Variants in PRKDC observed in about 807,000 individuals in gnomAD.
PRKDC encodes the protein DNA-dependent protein kinase catalytic subunit.
Under a neutral mutation model 486.9 loss-of-function variants are expected in PRKDC, and 82 were observed. The ratio of observed to expected loss-of-function variants is 0.17; its 90% CI spans 0.14 to 0.20. The LOEUF is 0.20. Ranked by LOEUF, PRKDC falls within the 10% of genes least tolerant of loss-of-function variation. The probability of loss-of-function intolerance (pLI) is 1.00; values close to 1 mark genes in which losing one functional copy is unlikely to be tolerated. For synonymous variants in PRKDC, 1,895 were observed against 1,837.0 expected, an observed-to-expected ratio of 1.03 and a Z score of -0.81; for missense variants, 4,504 against 5,038.2, an observed-to-expected ratio of 0.89 and a Z score of 3.21.
At chr8:47,810,310 G>A (rs960949996) in intron 68 of PRKDC, among the ~76,000 whole-genome samples, 3 of 152,102 alleles carry the variant, frequency 2.0e-5, no homozygotes, top group African/African-American at 7.2e-5. Flanking sequence ...CTCACATAAC[G>A]TTTATTATAG....
At chr8:47,805,064 A>G (rs1409013381) in intron 69 of PRKDC, 4 of 151,132 alleles carry the variant, frequency 2.6e-5, no homozygotes, top group South Asian at 2.1e-4. Flanking sequence ...GCCCGGCCTC[A>G]ACATTTTTTT....
chr8:47,791,726 G>T lies in PRKDC; in HGVS notation c.10671-2488C>A, dbSNP rs118149091. On this transcript the variant is annotated intron_variant, in intron 74 of 85. Transcript: ENST00000314191. ...TAACGAATGCTGGTAAGGATGTAGA[G>T]AGAGGAACCCTTGTATACTATTGGT... is the stretch of plus-strand genomic sequence containing the variant. Among the ~76,000 whole-genome samples, 624 of 152,216 alleles carry T rather than the reference G, an allele frequency of 4.1e-3. 5 individuals are homozygous for T. The highest frequency in any genetic ancestry group is 6.9e-3 in the Admixed American group (105 of 15,284).
chr8:47,950,331 T>C (rs1325429775), intron 7 of PRKDC, among the ~76,000 whole-genome samples: 9 of 146,882 alleles, frequency 6.1e-5, no homozygotes, highest in Admixed American at 2.7e-4. Context: ...CCCCTTAAGA[T>C]TATTTTAGGA....
chr8:47,881,884 A>G (rs1352927180), intron 37 of PRKDC, 28 bp downstream of exon 37: 9 of 1,567,082 alleles, frequency 5.7e-6, no homozygotes, highest in Non-Finnish European at 7.8e-6. Flanking sequence ...AAGAATAAAC[A>G]TGACTGCTTT....
rs1230766744 is a variant in PRKDC, at chr8:47,893,395, A to G, written c.3599-8T>C. On this transcript the variant is annotated splice_polypyrimidine_tract_variant and splice_region_variant and intron_variant, in intron 30 of 85. Coordinates refer to ENST00000314191, the MANE Select transcript of PRKDC (RefSeq NM_006904.7). ...AATTAGGGGATCTGTTGCCTTTAAA[A>G]AGAAACAAAATTAAAATGCACACAT... 3 of 1,491,714 alleles carry G rather than the reference A, an allele frequency of 2.0e-6. No homozygotes were observed. The highest frequency in any genetic ancestry group is 1.4e-5 in the African/African-American group (1 of 71,348). The allele number at this position is 1,491,714 out of a possible 1,614,324, so 92.4% of individuals were successfully genotyped here.
At chr8:47,949,328 C>A (rs1313643196) in intron 7 of PRKDC, among the ~76,000 whole-genome samples, 1 of 152,214 alleles carries the variant, frequency 6.6e-6, no homozygotes, top group Non-Finnish European at 1.5e-5. Context: ...CCTAACCACG[C>A]AAGTCACTGT....
intron 28 of PRKDC, among the ~76,000 whole-genome samples, chr8:47,899,778 G>A (rs954345720): frequency 2.5e-4 from 38 of 152,312 alleles, no homozygotes; most frequent in African/African-American, 7.0e-4. Context: ...TGGGACCAAC[G>A]GGGAGTTAAG....
intron 25 of PRKDC, among the ~76,000 whole-genome samples, 162 bp from the exon 26 acceptor site, chr8:47,905,138 C>T (rs2089754769): frequency 1.3e-5 from 2 of 152,090 alleles, no homozygotes; most frequent in South Asian, 4.2e-4. Flanking sequence ...GGTCCCCTCC[C>T]ACCTCAACCT....
At chr8:47,957,000 A>AAC (rs1563824657) in intron 3 of PRKDC, among the ~76,000 whole-genome samples, 171 bp downstream of exon 3, 10 of 149,914 alleles carry the variant, frequency 6.7e-5, no homozygotes, top group South Asian at 6.3e-4. Context: ...AAAAAAAAAA[A>AAC]ACCTAATGAA....
intron 38 of PRKDC, among the ~76,000 whole-genome samples, chr8:47,880,910 G>C (rs1159641885): frequency 6.6e-6 from 1 of 151,934 alleles, no homozygotes; most frequent in East Asian, 1.9e-4. Context: ...AGCCAGGCCT[G>C]GTGGCGCACA....
rs923183842 is a variant in PRKDC, at chr8:47,943,241, C to A, written c.934G>T (p.Ala312Ser). 2 of 1,613,248 alleles carry A rather than the reference C, an allele frequency of 1.2e-6. No homozygotes were observed. Among genetic ancestry groups the A allele is most frequent in the Non-Finnish European group, 1.7e-6 (2 of 1,179,654 alleles). Residue 312 changes from alanine (A) to serine (S), a missense_variant, in exon 10 of 86, where the codon GCA (alanine) becomes TCA (serine). Ala to Ser is a moderately conservative substitution (Grantham distance 99). Around this residue, in one of 6 missense-constraint regions of PRKDC, gnomAD observed 1,969 missense variants for 2,068.9 expected, o/e 0.95. Coordinates refer to ENST00000314191, the MANE Select transcript of PRKDC (RefSeq NM_006904.7). The stretch of plus-strand genomic sequence containing the variant: ...AGAAAGGATTCCAGGGCTGAAAGTG[C>A]AGCTTTTTTCAATTCTACATTTGTG... ...AHTNVELKKA[A>S]LSALESFLKQ...
At chr8:47,888,710 A>T in intron 33 of PRKDC, 60 bp from the exon 34 acceptor site, 1 of 1,481,852 alleles carries the variant, frequency 6.7e-7, no homozygotes, top group Non-Finnish European at 9.0e-7. Context: ...TTATCAAGAT[A>T]CACTGAAAAA....
intron 25 of PRKDC, among the ~76,000 whole-genome samples, chr8:47,905,199 AT>A (rs527537273): frequency 2.0e-5 from 3 of 149,844 alleles, no homozygotes; most frequent in Non-Finnish European, 4.5e-5. Context: ...TTAACTTAAA[AT>A]TTTTTTTTTG....
intron 59 of PRKDC, among the ~76,000 whole-genome samples, chr8:47,833,372 C>G (rs972499588): frequency 6.6e-6 from 1 of 152,162 alleles, no homozygotes; most frequent in Non-Finnish European, 1.5e-5. Flanking sequence ...AGGGTTCTGT[C>G]ATGGGCCCTT....
intron 25 of PRKDC, among the ~76,000 whole-genome samples, chr8:47,906,105 T>C (rs1467162019): frequency 6.6e-6 from 1 of 152,212 alleles, no homozygotes; most frequent in Non-Finnish European, 1.5e-5. Flanking sequence ...CCCAGCATTT[T>C]GAGAGGCCAA....
chr8:47,819,541 T>C, intron 66 of PRKDC, 31 bp from the exon 67 acceptor site: 2 of 1,110,114 alleles, frequency 1.8e-6, no homozygotes, highest in East Asian at 2.6e-5. Context: ...AAAAGGGCAT[T>C]TACAAATGCC....
Position 47,898,497 on chromosome 8 carries a change from T to G in PRKDC, c.3437A>C (p.Asn1146Thr). The G allele has an allele frequency of 6.4e-7, 1 of 1,561,174 alleles. No homozygotes were observed. Among genetic ancestry groups the G allele is most frequent in the Non-Finnish European group, 8.7e-7 (1 of 1,147,786 alleles). ...CGGCAAACGTCGTTTCTTTGCTTTA[T>G]TTAAAGAAACATGCTTCTTTTCAAT... is the stretch of plus-strand genomic sequence containing the variant. ...RIIEKKHVSL[N>T]KAKKRRLPRG... The change falls in exon 29 of 86, where the codon AAT becomes ACT. Residue 1146 changes from asparagine to threonine, a missense_variant. Physicochemically the swap from Asn to Thr is moderately conservative, Grantham distance 65. Coordinates refer to ENST00000314191, the MANE Select transcript of PRKDC (RefSeq NM_006904.7).
At chr8:47,871,202 T>C (rs927211511) in intron 40 of PRKDC, among the ~76,000 whole-genome samples, 2 of 152,116 alleles carry the variant, frequency 1.3e-5, no homozygotes, top group African/African-American at 4.8e-5. Flanking sequence ...TCCAAACCTA[T>C]TGAGAAAGAT....
intron 76 of PRKDC, 120 bp downstream of exon 76, chr8:47,788,786 A>T: frequency 9.5e-7 from 1 of 1,049,794 alleles, no homozygotes; most frequent in Non-Finnish European, 1.3e-6. Flanking sequence ...CAGACATTTT[A>T]AATGCAGAAC....
Sources: allele counts gnomAD v4.1 joint callset (sites outside exome capture counted in the v4.1 genomes callset), GRCh38; gene constraint gnomAD v4.1.1; regional missense constraint gnomAD v4.1.1; transcripts MANE v1.5; gene names NCBI Gene and HGNC (gene_info 2026-07-23, HGNC 2026-07-21).